ATXN7: variants seen among roughly 807,000 people sequenced by gnomAD.
ATXN7 encodes ataxin-7.
ATXN7 carries 12 observed loss-of-function variants against 70.5 expected under a neutral mutation model. The observed-to-expected ratio is 0.17, with a 90% CI of 0.11 to 0.28. The LOEUF is 0.28. Ranked by LOEUF, ATXN7 falls within the 10% of genes least tolerant of loss-of-function variation. ATXN7 has a pLI of 1.00. For missense variants in ATXN7, 1,256 were observed against 1,131.7 expected (o/e 1.11, Z -1.58); for synonymous variants, 498 against 448.7 (o/e 1.11, Z -1.39).
chr3:63,945,559 AC>A (rs2074845936), intron 4 of ATXN7, among the ~76,000 whole-genome samples: 1 of 152,256 alleles, frequency 6.6e-6, no homozygotes, highest in Non-Finnish European at 1.5e-5. Flanking sequence ...CTTCTGACTT[AC>A]GGTGGCATCA....
intron 1 of ATXN7, among the ~76,000 whole-genome samples, chr3:63,885,268 G>C (rs1703053775): frequency 6.6e-6 from 1 of 152,068 alleles, no homozygotes; most frequent in Non-Finnish European, 1.5e-5. Context: ...TAACAAAACA[G>C]ATAACCCAAT....
intron 1 of ATXN7, among the ~76,000 whole-genome samples, chr3:63,875,837 C>T (rs867916417): frequency 3.3e-5 from 5 of 152,244 alleles, no homozygotes; most frequent in South Asian, 2.1e-4. Flanking sequence ...TAGGCTCTTT[C>T]CCCCCATTAC....
At chr3:63,927,147 A>G (rs573882313) in intron 4 of ATXN7, among the ~76,000 whole-genome samples, 4 of 152,372 alleles carry the variant, frequency 2.6e-5, no homozygotes, top group Admixed American at 1.3e-4. Flanking sequence ...CCTTTATAGT[A>G]GAATGATTTA....
chr3:63,872,361 G>A (rs571416313), intron 1 of ATXN7, among the ~76,000 whole-genome samples: 2 of 152,328 alleles, frequency 1.3e-5, no homozygotes, highest in Non-Finnish European at 2.9e-5. Context: ...TCCATTGGTA[G>A]TGCCTGGCCT....
In ATXN7 at chr3:63,979,942, C is replaced by G. The variant is rs780369075; in HGVS notation, c.527C>G (p.Pro176Arg). 1.2e-6 allele frequency: 2 copies of G among 1,614,036 alleles called. No homozygotes were observed. Among genetic ancestry groups the G allele is most frequent in the African/African-American group, 2.7e-5 (2 of 74,896 alleles). The change falls in exon 6 of 13, where the codon CCG becomes CGG. Residue 176 changes from proline (P) to arginine (R), a missense_variant. Coordinates refer to ENST00000674280, the MANE Select transcript of ATXN7 (RefSeq NM_001377405.1). ...AGAAGACATAGCTCATCCAGCAAGCCGCCTTTGGCCGTTCCTCCCACTTCA... is the reference window on the plus strand; with the variant it reads ...AGAAGACATAGCTCATCCAGCAAGCGGCCTTTGGCCGTTCCTCCCACTTCA... Reference protein sequence around the residue: ...YERRHSSSSKPPLAVPPTSVF... With the variant: ...YERRHSSSSKRPLAVPPTSVF...
intron 4 of ATXN7, among the ~76,000 whole-genome samples, chr3:63,930,967 C>A (rs1475332085): frequency 1.3e-5 from 2 of 152,148 alleles, no homozygotes; most frequent in Non-Finnish European, 2.9e-5. Context: ...TTAAATATGG[C>A]TGTTGATTGC....
At position 63,999,674 on chromosome 3, in the gene ATXN7, G is replaced by A; in HGVS notation, c.*207G>A. The A allele has an allele frequency of 2.3e-6, 2 of 875,650 alleles. No individual in the cohort carries two copies. Among genetic ancestry groups the A allele is most frequent in the South Asian group, 1.5e-5 (1 of 65,916 alleles). The allele number at this position is 875,650 out of a possible 1,614,324, so 54.2% of individuals were successfully genotyped here. On this transcript the variant is annotated 3_prime_UTR_variant, in exon 13 of 13. Transcript: ENST00000674280. ...GCAGTGAGTACTCATAAAGGACACT[G>A]GATCAAGTTCAGCCACCGAATTGCT...
chr3:63,951,344 G>A (rs566517629), intron 4 of ATXN7, among the ~76,000 whole-genome samples: 15 of 151,926 alleles, frequency 9.9e-5, no homozygotes, highest in East Asian at 3.9e-4. Flanking sequence ...GGATCTCCCC[G>A]GCTGGAGAAA....
chr3:63,970,734 C>G (rs1436289854), intron 5 of ATXN7, among the ~76,000 whole-genome samples: 1 of 152,202 alleles, frequency 6.6e-6, no homozygotes, highest in Non-Finnish European at 1.5e-5. Context: ...TCCATTCACG[C>G]CTGTCCCTTC....
intron 5 of ATXN7, among the ~76,000 whole-genome samples, chr3:63,961,146 T>C (rs1031158982): frequency 4.6e-5 from 7 of 152,228 alleles, no homozygotes; most frequent in Admixed American, 4.6e-4. Context: ...GGAGGGTTCC[T>C]AGAACCTGGA....
upstream of ATXN7, chr3:63,863,451 C>A (rs148334967): frequency 1.8e-5 from 20 of 1,137,348 alleles, no homozygotes; most frequent in Non-Finnish European, 2.2e-5. Flanking sequence ...CGCTTCTAGC[C>A]GTCTCGGCCA....
chr3:63,965,814 G>A (rs1023983535), intron 5 of ATXN7, among the ~76,000 whole-genome samples: 5 of 152,196 alleles, frequency 3.3e-5, no homozygotes, highest in African/African-American at 1.2e-4. Context: ...GGGGGCACAT[G>A]TGAGTGTTTA....
intron 1 of ATXN7, among the ~76,000 whole-genome samples, chr3:63,865,894 C>CAA (rs34205947): frequency 0.06 from 990 of 16,512 alleles, 227 homozygotes; most frequent in Admixed American, 0.092. Flanking sequence ...GACTCCATCT[C>CAA]AAAAAAAAAA....
upstream of ATXN7, chr3:63,863,354 C>A: frequency 1.3e-6 from 1 of 779,774 alleles, no homozygotes; most frequent in South Asian, 5.9e-5. Context: ...CTAAGCCCGG[C>A]ACCACTGTCC....
intron 4 of ATXN7, among the ~76,000 whole-genome samples, chr3:63,933,933 A>T (rs1435194264): frequency 6.6e-6 from 1 of 150,582 alleles, no homozygotes; most frequent in East Asian, 1.9e-4. Flanking sequence ...TTTTTTTCCT[A>T]AATTAGCCAG....
intron 6 of ATXN7, chr3:63,980,393 T>C (rs910784864): frequency 2.6e-5 from 16 of 604,902 alleles, no homozygotes; most frequent in Non-Finnish European, 4.3e-5. Context: ...TGATCCATTC[T>C]TGTGTGCTAG....
At chr3:63,872,198 A>G (rs1348290225) in intron 1 of ATXN7, among the ~76,000 whole-genome samples, 1 of 152,220 alleles carries the variant, frequency 6.6e-6, no homozygotes, top group Non-Finnish European at 1.5e-5. Context: ...GTTATAGGAA[A>G]CTTTAGGACG....
At chr3:63,928,620 C>A (rs985423541) in intron 4 of ATXN7, among the ~76,000 whole-genome samples, 1 of 152,030 alleles carries the variant, frequency 6.6e-6, no homozygotes, top group African/African-American at 2.4e-5. Flanking sequence ...TTATATTATC[C>A]CCGTTTTAAA....
chr3:63,972,597 C>A (rs1475408686), intron 5 of ATXN7, among the ~76,000 whole-genome samples: 3 of 152,190 alleles, frequency 2.0e-5, no homozygotes, highest in African/African-American at 7.2e-5. Flanking sequence ...ATTCTACTTG[C>A]AGTTCTTCCT....
Sources: allele counts gnomAD v4.1 joint callset (sites outside exome capture counted in the v4.1 genomes callset), GRCh38; gene constraint gnomAD v4.1.1; transcripts MANE v1.5; gene names NCBI Gene and HGNC (gene_info 2026-07-23, HGNC 2026-07-21).